TLK2: variants seen among roughly 807,000 people sequenced by gnomAD.
The protein encoded by TLK2 is tousled like kinase 2, also known as serine/threonine-protein kinase tousled-like 2.
In TLK2, 6 loss-of-function variants were observed where a neutral mutation model predicts 117.3. The observed-to-expected ratio is 0.05, with a 90% CI of 0.03 to 0.10. TLK2 has a LOEUF of 0.10. TLK2 is among the 10% of genes least tolerant of loss of function. TLK2 has a pLI of 1.00. For synonymous variants in TLK2, 257 were observed against 316.7 expected, an observed-to-expected ratio of 0.81 and a Z score of 2.00; for missense variants, 299 against 901.2, an observed-to-expected ratio of 0.33 and a Z score of 8.56.
In TLK2 at chr17:62,489,174, CGTGTGTGT is replaced by C. The variant is rs59470331; in HGVS notation, c.81+7987_81+7994del. On this transcript the variant is annotated intron_variant, in intron 2 of 21. Transcript: ENST00000346027. ...CATTGCTGTTCTGTATTTAATTGTACGTGTGTGTGTGTGTGTGTGTGTGTGTAAATTTT... is the reference window on the plus strand; with the variant it reads ...CATTGCTGTTCTGTATTTAATTGTACGTGTGTGTGTGTGTGTGTAAATTTT... Among the ~76,000 whole-genome samples, 401 of 140,802 alleles carry C rather than the reference CGTGTGTGT, an allele frequency of 2.8e-3. 2 individuals carry two copies. The highest frequency in any genetic ancestry group is 7.0e-3 in the African/African-American group (266 of 37,874). The allele number at this position is 140,802 out of a possible 152,430, so 92.4% of individuals were successfully genotyped here. A position where few individuals can be genotyped will look rare whatever the true frequency, so the allele number is the denominator to read the frequency against.
chr17:62,487,089 C>T (rs990229422), intron 2 of TLK2, among the ~76,000 whole-genome samples: 1 of 152,192 alleles, frequency 6.6e-6, no homozygotes, highest in East Asian at 1.9e-4. Flanking sequence ...GTCAGGAGAT[C>T]GAGACCGTCC....
intron 2 of TLK2, among the ~76,000 whole-genome samples, chr17:62,504,592 C>T (rs1433754442): frequency 1.3e-5 from 2 of 152,036 alleles, no homozygotes; most frequent in Admixed American, 6.6e-5. Context: ...TCTGTAGAGC[C>T]CAAGAGTTTG....
At position 62,600,669 on chromosome 17, in the gene TLK2, A is replaced by C; in HGVS notation, c.1569A>C (p.Glu523Asp). Residue 523 changes from glutamate (E) to aspartate (D), a missense_variant, in exon 18 of 22, where the codon GAA becomes GAC. Coordinates refer to ENST00000346027, the MANE Select transcript of TLK2 (RefSeq NM_006852.6). ...LDTDSFCTVL[E>D]YCEGNDLDFY... ...TCTTTAGGTTTTGTACAGTATTAGA[A>C]TACTGTGAGGGAAATGATCTGGACT... The C allele has an allele frequency of 6.2e-7, 1 of 1,610,104 alleles. No homozygotes were observed. Among genetic ancestry groups the C allele is most frequent in the Non-Finnish European group, 8.5e-7 (1 of 1,179,280 alleles).
intron 16 of TLK2, among the ~76,000 whole-genome samples, chr17:62,594,631 A>G (rs78614536): frequency 0.012 from 1,904 of 152,334 alleles, 32 homozygotes; most frequent in African/African-American, 0.044. Flanking sequence ...TGAAATGTAT[A>G]TGAGCTTTAT....
Position 62,482,453 on chromosome 17 carries a change from G to GTT in TLK2, c.81+1260_81+1261dup, listed in dbSNP as rs539773483. On this transcript the variant is annotated intron_variant, in intron 2 of 21. Coordinates refer to ENST00000346027, the MANE Select transcript of TLK2 (RefSeq NM_006852.6). Reference sequence around the variant, plus strand: ...AGCCGGGATAGCTTGATAGGGTTTTGTTTTTTTTTTTTTTGAGTCAGAGCC... The same window carrying GTT: ...AGCCGGGATAGCTTGATAGGGTTTTGTTTTTTTTTTTTTTTTGAGTCAGAGCC... 1.3e-3 allele frequency among the ~76,000 whole-genome samples: 182 copies of GTT among 139,578 alleles called. 2 individuals are homozygous for GTT. Among genetic ancestry groups the GTT allele is most frequent in the East Asian group, 3.4e-3 (16 of 4,698 alleles). The allele number at this position is 139,578 out of a possible 152,430, so 91.6% of individuals were successfully genotyped here. A position where few individuals can be genotyped will look rare whatever the true frequency, so the allele number is the denominator to read the frequency against.
At chr17:62,485,356 A>G (rs2072213923) in intron 2 of TLK2, among the ~76,000 whole-genome samples, 1 of 152,164 alleles carries the variant, frequency 6.6e-6, no homozygotes, top group Admixed American at 6.6e-5. Flanking sequence ...CTGTTGTATA[A>G]CTTTCGAGTT....
At chr17:62,534,845 A>G (rs2076997198) in intron 6 of TLK2, among the ~76,000 whole-genome samples, 2 of 145,290 alleles carry the variant, frequency 1.4e-5, no homozygotes, top group East Asian at 2.0e-4. Flanking sequence ...TTTGAAAAAC[A>G]TACTCTTCAT....
intron 2 of TLK2, among the ~76,000 whole-genome samples, chr17:62,512,874 A>ATTATTATTC (rs2075270305): frequency 6.9e-6 from 1 of 145,522 alleles, no homozygotes; most frequent in Non-Finnish European, 1.5e-5. Context: ...TATTATTATT[A>ATTATTATTC]TTATTATTAT....
Position 62,514,757 on chromosome 17 carries a change from T to A in TLK2, c.82-6016T>A, listed in dbSNP as rs138707914. Among the ~76,000 whole-genome samples, 1,258 of 152,138 alleles carry A rather than the reference T, an allele frequency of 8.3e-3. 16 individuals carry two copies. The highest frequency in any genetic ancestry group is 0.029 in the African/African-American group (1,198 of 41,502). ...CCACACCCAGCTAATTTTTGTATTT[T>A]TAGTAGAGATGGGGTTTCGCCATGT... On this transcript the variant is annotated intron_variant, in intron 2 of 21. Coordinates refer to ENST00000346027, the MANE Select transcript of TLK2 (RefSeq NM_006852.6).
At chr17:62,534,914 AG>A (rs1397986296) in intron 6 of TLK2, among the ~76,000 whole-genome samples, 2 of 120,430 alleles carry the variant, frequency 1.7e-5, no homozygotes, top group Non-Finnish European at 3.2e-5. Context: ...TTGGAGATAG[AG>A]TCGCTCTCTG....
intron 10 of TLK2, among the ~76,000 whole-genome samples, chr17:62,562,424 A>G (rs1398627424): frequency 6.6e-6 from 1 of 152,216 alleles, no homozygotes; most frequent in Non-Finnish European, 1.5e-5. Flanking sequence ...TAGAATTTGA[A>G]TACTTTAAAA....
intron 6 of TLK2, among the ~76,000 whole-genome samples, chr17:62,534,136 C>G (rs2430931): frequency 0.36 from 55,155 of 151,914 alleles, 10,186 homozygotes; most frequent in Admixed American, 0.41. Context: ...TACTTTTTCT[C>G]AAAAATTATG....
At chr17:62,513,645 T>C (rs1363361169) in intron 2 of TLK2, among the ~76,000 whole-genome samples, 1 of 152,110 alleles carries the variant, frequency 6.6e-6, no homozygotes, top group Admixed American at 6.6e-5. Context: ...TTTTATACTT[T>C]TGTAAAAAAT....
In TLK2 at chr17:62,524,354, T is replaced by C. The variant is rs562758666; in HGVS notation, c.363+23T>C. 4.9e-5 allele frequency: 79 copies of C among 1,596,202 alleles called. 1 individual carries two copies. The Admixed American group carries it at 1.3e-3, about 27-fold the overall frequency. ...CCGGTAAGCATTCACCTGGAGAAAT[T>C]TGACACCTGTTGTAGGAGACAAGAT... On this transcript the variant is annotated intron_variant, in intron 6 of 21. Coordinates refer to ENST00000346027, the MANE Select transcript of TLK2 (RefSeq NM_006852.6).
intron 2 of TLK2, among the ~76,000 whole-genome samples, chr17:62,517,028 C>T (rs536216215): frequency 8.5e-5 from 13 of 152,128 alleles, no homozygotes; most frequent in Middle Eastern, 3.2e-3. Flanking sequence ...GCCTCAGCCA[C>T]CCGAGTAGCT....
At chr17:62,509,347 C>G (rs2074969892) in intron 2 of TLK2, among the ~76,000 whole-genome samples, 1 of 152,138 alleles carries the variant, frequency 6.6e-6, no homozygotes, top group Non-Finnish European at 1.5e-5. Flanking sequence ...CCTCAGCCTC[C>G]CAAATTGTTG....
At chr17:62,512,766 T>A (rs1348962439) in intron 2 of TLK2, among the ~76,000 whole-genome samples, 1 of 151,888 alleles carries the variant, frequency 6.6e-6, no homozygotes. Context: ...TAGTTCTAAG[T>A]TGTAGAGATT....
chr17:62,521,101 A>G (rs940771107), intron 3 of TLK2, among the ~76,000 whole-genome samples: 6 of 152,214 alleles, frequency 3.9e-5, no homozygotes, highest in African/African-American at 1.4e-4. Flanking sequence ...ATGAGGCTGC[A>G]GTGAGCTGTG....
chr17:62,576,558 C>G (rs1420496926), intron 12 of TLK2, 151 bp from the exon 13 acceptor site: 3 of 565,472 alleles, frequency 5.3e-6, no homozygotes, highest in South Asian at 2.7e-5. Context: ...GAAGTTTTCT[C>G]TTGTCAGAGG....
Sources: allele counts gnomAD v4.1 joint callset (sites outside exome capture counted in the v4.1 genomes callset), GRCh38; gene constraint gnomAD v4.1.1; transcripts MANE v1.5; gene names NCBI Gene and HGNC (gene_info 2026-07-23, HGNC 2026-07-21).